Variants in MYO3B observed in about 807,000 individuals in gnomAD.
MYO3B encodes myosin IIIB, also known as myosin-IIIb.
A neutral mutation model predicts 174.6 loss-of-function variants in MYO3B; 156 were observed. The ratio of observed to expected loss-of-function variants is 0.89; its 90% CI spans 0.78 to 1.02. The LOEUF (loss-of-function observed/expected upper bound fraction) is 1.02. Among genes scored for constraint, MYO3B ranks in the 50% least tolerant of loss-of-function variants. The pLI, the probability that MYO3B is intolerant of heterozygous loss-of-function variation, is 0.00. For missense variants in MYO3B, 1,632 were observed against 1,639.4 expected, an observed-to-expected ratio of 1.00 and a Z score of 0.08; for synonymous variants, 563 against 569.1, an observed-to-expected ratio of 0.99 and a Z score of 0.15.
At chr2:170,241,481 A>T (rs1051252439) in intron 7 of MYO3B, among the ~76,000 whole-genome samples, 1 of 152,056 alleles carries the variant, frequency 6.6e-6, no homozygotes, top group Admixed American at 6.5e-5. Flanking sequence ...GACGCCTTAA[A>T]CTTTGTTCGT....
chr2:170,619,051 T>A (rs565523445), intron 32 of MYO3B, among the ~76,000 whole-genome samples: 1 of 152,260 alleles, frequency 6.6e-6, no homozygotes, highest in South Asian at 2.1e-4. Flanking sequence ...AGACAACCAG[T>A]TAGACCAGAA....
At chr2:170,357,402 A>G (rs549564586) in intron 8 of MYO3B, among the ~76,000 whole-genome samples, 2 of 145,854 alleles carry the variant, frequency 1.4e-5, no homozygotes, top group South Asian at 4.3e-4. Flanking sequence ...TTTTATATAT[A>G]TGTATATAAC....
At chr2:170,405,680 AGT>A in intron 21 of MYO3B, 47 bp downstream of exon 21, 1 of 1,512,882 alleles carries the variant, frequency 6.6e-7, no homozygotes, top group Non-Finnish European at 9.2e-7. Context: ...GCAAAGGGTA[AGT>A]GTCTGTATTA....
intron 25 of MYO3B, among the ~76,000 whole-genome samples, chr2:170,485,410 CACACACACACAG>C (rs1434429261): frequency 5.1e-5 from 7 of 137,286 alleles, no homozygotes; most frequent in African/African-American, 1.3e-4. Flanking sequence ...CACACACACA[CACACACACACAG>C]AGAGAGAGAG....
intron 29 of MYO3B, among the ~76,000 whole-genome samples, chr2:170,516,300 G>T (rs368956003): frequency 2.0e-5 from 3 of 151,278 alleles, no homozygotes; most frequent in African/African-American, 7.3e-5. Flanking sequence ...GGTGTTTTTT[G>T]TTGTTTTTTT....
chr2:170,623,356 C>T (rs1559169429), intron 32 of MYO3B, among the ~76,000 whole-genome samples: 1 of 152,194 alleles, frequency 6.6e-6, no homozygotes, highest in Non-Finnish European at 1.5e-5. Flanking sequence ...TGTTTGTTGG[C>T]TGCATAAATG....
At chr2:170,423,561 G>A (rs973925070) in intron 22 of MYO3B, among the ~76,000 whole-genome samples, 5 of 149,678 alleles carry the variant, frequency 3.3e-5, no homozygotes, top group South Asian at 2.1e-4. Context: ...TATTGTTCCC[G>A]GATTTGCAGA....
intron 32 of MYO3B, among the ~76,000 whole-genome samples, chr2:170,631,917 G>A (rs192124821): frequency 9.2e-5 from 14 of 152,192 alleles, no homozygotes; most frequent in Non-Finnish European, 1.2e-4. Context: ...ATTACATAAC[G>A]GTAAAGAGAT....
At chr2:170,587,433 C>T (rs1304082936) in intron 32 of MYO3B, among the ~76,000 whole-genome samples, 4 of 151,988 alleles carry the variant, frequency 2.6e-5, no homozygotes, top group Non-Finnish European at 5.9e-5. Context: ...TGACTGACCT[C>T]GAAATAAAAG....
At chr2:170,602,618 C>G (rs1163042665) in intron 32 of MYO3B, among the ~76,000 whole-genome samples, 1 of 152,196 alleles carries the variant, frequency 6.6e-6, no homozygotes, top group Non-Finnish European at 1.5e-5. Flanking sequence ...GCTTTCCTCA[C>G]CTCAGTTGGA....
intron 30 of MYO3B, among the ~76,000 whole-genome samples, chr2:170,526,605 A>G (rs1418356875): frequency 2.0e-5 from 3 of 152,222 alleles, no homozygotes; most frequent in Non-Finnish European, 4.4e-5. Flanking sequence ...TGCCAGCATG[A>G]CATTATCATA....
chr2:170,368,712 G>A (rs1461851256), intron 8 of MYO3B, among the ~76,000 whole-genome samples: 5 of 152,080 alleles, frequency 3.3e-5, no homozygotes, highest in Non-Finnish European at 5.9e-5. Flanking sequence ...GAAATCAAGC[G>A]CCAGCGTTTC....
intron 32 of MYO3B, among the ~76,000 whole-genome samples, chr2:170,617,835 GAGA>G (rs1300631685): frequency 2.6e-5 from 4 of 152,200 alleles, no homozygotes; most frequent in Admixed American, 6.5e-5. Context: ...ATGGTGTAGT[GAGA>G]AGAATTAAAT....
At chr2:170,579,831 A>G (rs1341236853) in intron 32 of MYO3B, among the ~76,000 whole-genome samples, 2 of 152,196 alleles carry the variant, frequency 1.3e-5, no homozygotes, top group African/African-American at 2.4e-5. Flanking sequence ...TCTGATGACC[A>G]TACGTTACCC....
chr2:170,434,422 G>A (rs1196236653), intron 22 of MYO3B, among the ~76,000 whole-genome samples: 1 of 152,190 alleles, frequency 6.6e-6, no homozygotes, highest in African/African-American at 2.4e-5. Context: ...AATGGTGAGC[G>A]CACACTTGGA....
At chr2:170,360,074 C>T (rs1574848239) in intron 8 of MYO3B, among the ~76,000 whole-genome samples, 3 of 152,174 alleles carry the variant, frequency 2.0e-5, no homozygotes, top group Admixed American at 6.5e-5. Flanking sequence ...TTTGCACTCT[C>T]TTAGCCCCAA....
At chr2:170,429,967 T>C (rs1362638285) in intron 22 of MYO3B, among the ~76,000 whole-genome samples, 1 of 151,598 alleles carries the variant, frequency 6.6e-6, no homozygotes, top group Non-Finnish European at 1.5e-5. Flanking sequence ...AGTTGGCTCT[T>C]GAACAATGTT....
intron 6 of MYO3B, among the ~76,000 whole-genome samples, chr2:170,222,381 T>C (rs891920575): frequency 6.6e-6 from 1 of 152,216 alleles, no homozygotes; most frequent in Non-Finnish European, 1.5e-5. Flanking sequence ...ACTGGGTAGC[T>C]TTAAACAACA....
In MYO3B at chr2:170,492,270, TC is replaced by T. The variant is rs143862077; in HGVS notation, c.3015-6321del. On this transcript the variant is annotated intron_variant, in intron 25 of 34. Transcript: ENST00000408978. ...AATCCTCTCAGATGGTTCTTTCCAG[TC>T]TTGGATAGTTTCCTCGTATGAATAT... Among the ~76,000 whole-genome samples the T allele has an allele frequency of 1.4e-3, 212 of 152,294 alleles. 1 individual carries two copies. Among genetic ancestry groups the T allele is most frequent in the Non-Finnish European group, 2.3e-3 (155 of 68,016 alleles).
Sources: allele counts gnomAD v4.1 joint callset (sites outside exome capture counted in the v4.1 genomes callset), GRCh38; gene constraint gnomAD v4.1.1; transcripts MANE v1.5; gene names NCBI Gene and HGNC (gene_info 2026-07-23, HGNC 2026-07-21).